Variants in DAB1 observed in about 807,000 individuals in gnomAD.
The protein encoded by DAB1 is DAB adaptor protein 1, also known as disabled homolog 1.
A neutral mutation model predicts 64.6 loss-of-function variants in DAB1; 15 were observed. The observed-to-expected ratio is 0.23, with a 90% CI of 0.16 to 0.36. The LOEUF (loss-of-function observed/expected upper bound fraction) is 0.36. DAB1 is among the 10% of genes least tolerant of loss of function. DAB1 has a pLI of 1.00. For missense variants in DAB1, 596 were observed against 706.7 expected, an observed-to-expected ratio of 0.84 and a Z score of 1.78; for synonymous variants, 235 against 251.9, an observed-to-expected ratio of 0.93 and a Z score of 0.64.
At chr1:58,082,749 A>T (rs1417303476) in intron 5 of DAB1, among the ~76,000 whole-genome samples, 1 of 152,070 alleles carries the variant, frequency 6.6e-6, no homozygotes, top group African/African-American at 2.4e-5. Context: ...AGCGCATCTC[A>T]TGCAGAGGGT....
chr1:57,025,554 C>T (rs1646757911), intron 10 of DAB1, among the ~76,000 whole-genome samples: 1 of 152,126 alleles, frequency 6.6e-6, no homozygotes, highest in South Asian at 2.1e-4. Context: ...GGGCTGACCA[C>T]CTATGCTGTA....
chr1:58,045,458 G>A (rs981753632), intron 5 of DAB1, among the ~76,000 whole-genome samples: 4 of 152,150 alleles, frequency 2.6e-5, no homozygotes, highest in African/African-American at 9.7e-5. Flanking sequence ...TGAGACTGCC[G>A]GCATTAAGAT....
intron 7 of DAB1, among the ~76,000 whole-genome samples, chr1:57,446,982 T>A (rs1485216973): frequency 2.0e-5 from 3 of 152,220 alleles, no homozygotes; most frequent in African/African-American, 4.8e-5. Context: ...ATAAAATCCA[T>A]ATTTTTATCA....
intron 9 of DAB1, among the ~76,000 whole-genome samples, chr1:57,062,134 C>T (rs1412760896): frequency 6.6e-6 from 1 of 152,160 alleles, no homozygotes; most frequent in African/African-American, 2.4e-5. Flanking sequence ...GGAGCAGTAC[C>T]ACACAGCTGG....
At chr1:58,121,943 C>G (rs1652764265) in intron 5 of DAB1, among the ~76,000 whole-genome samples, 1 of 152,142 alleles carries the variant, frequency 6.6e-6, no homozygotes, top group Admixed American at 6.6e-5. Context: ...TCCCTGAGTT[C>G]TCCCATGGCT....
chr1:57,814,484 C>CA (rs967326352), intron 6 of DAB1, among the ~76,000 whole-genome samples: 1 of 152,058 alleles, frequency 6.6e-6, no homozygotes, highest in African/African-American at 2.4e-5. Context: ...AAAAATGGCA[C>CA]AAAAACATCA....
chr1:58,402,429 A>G (rs1644579312), intron 3 of DAB1, among the ~76,000 whole-genome samples: 1 of 152,258 alleles, frequency 6.6e-6, no homozygotes, highest in South Asian at 2.1e-4. Context: ...ACAAATAGGC[A>G]TCTTCCTTGC....
intron 7 of DAB1, among the ~76,000 whole-genome samples, chr1:57,484,960 CAG>C (rs1644071258): frequency 6.6e-6 from 1 of 152,172 alleles, no homozygotes. Context: ...ACAACTGAGG[CAG>C]AGAGACTGAG....
intron 1 of DAB1, among the ~76,000 whole-genome samples, chr1:57,402,326 G>T (rs1254908475): frequency 3.3e-5 from 5 of 152,094 alleles, no homozygotes; most frequent in African/African-American, 1.2e-4. Flanking sequence ...TTACACAAAG[G>T]GTTGAATCAG....
upstream of DAB1, chr1:57,884,311 T>G (rs1644191038): frequency 6.6e-6 from 1 of 152,164 alleles, no homozygotes; most frequent in Non-Finnish European, 1.5e-5. Context: ...GGGTAGGTGG[T>G]CATGGGGCAC....
Position 57,490,741 on chromosome 1 carries a change from G to A in DAB1, n.625+158851C>T, listed in dbSNP as rs1452835619. ...TATTTGAACAATATCTAAACAACGA[G>A]TGATGGAGCTTCAAAACAAGGCCAG... On this transcript the variant is annotated intron_variant and non_coding_transcript_variant, in intron 7 of 20. Transcript: ENST00000485760. Among the ~76,000 whole-genome samples the A allele has an allele frequency of 3.3e-5, 5 of 152,192 alleles. No homozygotes were observed. In the South Asian group the frequency reaches 1.0e-3, roughly 31 times the overall value.
At chr1:58,453,224 G>T (rs973000095) in intron 3 of DAB1, among the ~76,000 whole-genome samples, 1 of 152,100 alleles carries the variant, frequency 6.6e-6, no homozygotes, top group Non-Finnish European at 1.5e-5. Flanking sequence ...GGGTAGAGGT[G>T]GGGGAGTGTG....
intron 3 of DAB1, among the ~76,000 whole-genome samples, chr1:58,455,023 T>A (rs780835668): frequency 6.6e-6 from 1 of 152,194 alleles, no homozygotes; most frequent in African/African-American, 2.4e-5. Flanking sequence ...TTAAAGAGAA[T>A]GTCTTTTCCA....
intron 4 of DAB1, among the ~76,000 whole-genome samples, chr1:57,102,558 C>A (rs1200893015): frequency 6.6e-6 from 1 of 152,108 alleles, no homozygotes; most frequent in Non-Finnish European, 1.5e-5. Context: ...GGATTTAAAA[C>A]AAACAAAAAA....
chr1:57,949,061 C>T (rs1434059991), intron 5 of DAB1, among the ~76,000 whole-genome samples: 2 of 152,118 alleles, frequency 1.3e-5, no homozygotes, highest in South Asian at 2.1e-4. Flanking sequence ...GTGTCCTTGC[C>T]TTCTTCTCCA....
intron 5 of DAB1, among the ~76,000 whole-genome samples, chr1:58,046,776 T>C (rs540602137): frequency 6.6e-6 from 1 of 152,298 alleles, no homozygotes; most frequent in East Asian, 1.9e-4. Flanking sequence ...CTGGATGCTG[T>C]AGAACAGAGC....
At chr1:57,367,233 C>G (rs1390008815) in intron 1 of DAB1, among the ~76,000 whole-genome samples, 1 of 151,932 alleles carries the variant, frequency 6.6e-6, no homozygotes, top group African/African-American at 2.4e-5. Flanking sequence ...TGTGATGGCA[C>G]TACTGCACTT....
chr1:57,489,722 G>C (rs1351366232), intron 7 of DAB1, among the ~76,000 whole-genome samples: 5 of 152,112 alleles, frequency 3.3e-5, no homozygotes, highest in Non-Finnish European at 5.9e-5. Context: ...CTTTATATAG[G>C]TAAACTGATT....
At chr1:57,089,134 T>G (rs1282135101) in intron 4 of DAB1, among the ~76,000 whole-genome samples, 1 of 152,238 alleles carries the variant, frequency 6.6e-6, no homozygotes, top group East Asian at 1.9e-4. Flanking sequence ...TATATGAAAT[T>G]ACACGTGACT....
Sources: gnomAD v4.1 joint callset for allele counts (sites outside exome capture counted in the v4.1 genomes callset) on GRCh38, gnomAD v4.1.1 for gene constraint, MANE v1.5 for transcripts, NCBI Gene and HGNC (gene_info 2026-07-23, HGNC 2026-07-21) for gene names.